RBM47: variants seen among roughly 807,000 people sequenced by gnomAD.
The protein encoded by RBM47 is RNA-binding protein 47.
In RBM47, 21 loss-of-function variants were observed where a neutral mutation model predicts 47.1. The ratio of observed to expected loss-of-function variants is 0.45; its 90% CI spans 0.32 to 0.64. RBM47 has a LOEUF of 0.64. RBM47 is among the 30% of genes least tolerant of loss of function. The pLI, the probability that RBM47 is intolerant of heterozygous loss-of-function variation, is 0.05. For synonymous variants in RBM47, 375 were observed against 361.7 expected, an observed-to-expected ratio of 1.04 and a Z score of -0.42; for missense variants, 708 against 870.9, an observed-to-expected ratio of 0.81 and a Z score of 2.35.
intron 1 of RBM47, among the ~76,000 whole-genome samples, chr4:40,587,881 G>A (rs1455581224): frequency 6.6e-6 from 1 of 152,214 alleles, no homozygotes; most frequent in Non-Finnish European, 1.5e-5. Flanking sequence ...CAGTTCCAAG[G>A]AATTATAGTG....
intron 2 of RBM47, among the ~76,000 whole-genome samples, chr4:40,530,124 C>T (rs202027231): frequency 7.3e-5 from 11 of 150,520 alleles, no homozygotes; most frequent in Non-Finnish European, 1.3e-4. Flanking sequence ...TTAGTAGAGA[C>T]GGGGTTTCAC....
Position 40,465,496 on chromosome 4 carries a change from C to T in RBM47, c.-32+1081G>A, listed in dbSNP as rs139945095. 4.8e-3 allele frequency among the ~76,000 whole-genome samples: 733 copies of T among 152,242 alleles called. 3 individuals carry two copies. The highest frequency in any genetic ancestry group is 0.017 in the Middle Eastern group (5 of 294). On this transcript the variant is annotated intron_variant, in intron 3 of 6. Transcript: ENST00000295971. ...GCAACACAGTGAAACCCTGTCTCTA[C>T]TAAAAATACAAAAAAATTAGCTGGG...
chr4:40,456,575 T>TC (rs1282142176), intron 3 of RBM47, among the ~76,000 whole-genome samples: 1 of 143,736 alleles, frequency 7.0e-6, no homozygotes, highest in African/African-American at 2.6e-5. Context: ...TTTTTTCTTT[T>TC]TTTTTTTTTT....
intron 1 of RBM47, among the ~76,000 whole-genome samples, chr4:40,581,716 C>T (rs1732964205): frequency 9.0e-6 from 1 of 111,658 alleles, no homozygotes. Context: ...AACCAGAGAG[C>T]CTTCAGGGTG....
chr4:40,596,224 G>A (rs893166243), intron 1 of RBM47, among the ~76,000 whole-genome samples: 2 of 152,208 alleles, frequency 1.3e-5, no homozygotes, highest in African/African-American at 4.8e-5. Context: ...AAGAGCAAGA[G>A]GAAAGAAGCT....
At chr4:40,608,057 A>G (rs915143675) in intron 1 of RBM47, among the ~76,000 whole-genome samples, 1 of 151,956 alleles carries the variant, frequency 6.6e-6, no homozygotes, top group African/African-American at 2.4e-5. Context: ...AGCTGAGATC[A>G]CACCACTGCA....
At chr4:40,460,216 T>TG (rs1211548397) in intron 3 of RBM47, among the ~76,000 whole-genome samples, 3 of 64,412 alleles carry the variant, frequency 4.7e-5, no homozygotes, top group African/African-American at 1.0e-4. Context: ...CCATCACTGT[T>TG]TTTTTTTTTT....
At chr4:40,573,839 A>AAGAAAGAAAGAAAG (rs1436636301) in intron 1 of RBM47, among the ~76,000 whole-genome samples, 13 of 150,290 alleles carry the variant, frequency 8.6e-5, no homozygotes, top group East Asian at 1.9e-4. Context: ...AAGAAAGAGA[A>AAGAAAGAAAGAAAG]AGAAAGAAAG....
At chr4:40,626,687 C>T (rs1455935234) in intron 1 of RBM47, among the ~76,000 whole-genome samples, 2 of 152,138 alleles carry the variant, frequency 1.3e-5, no homozygotes, top group Middle Eastern at 3.2e-3. Flanking sequence ...GGGACGAGAT[C>T]GCCCTCCCCA....
chr4:40,545,711 A>AATAAATAAAAG (rs1728983992), intron 1 of RBM47, among the ~76,000 whole-genome samples: 1 of 150,926 alleles, frequency 6.6e-6, no homozygotes, highest in African/African-American at 2.4e-5. Flanking sequence ...ATAAAAGAGA[A>AATAAATAAAAG]AGAGAGGGAG....
intron 2 of RBM47, among the ~76,000 whole-genome samples, chr4:40,520,585 T>G (rs1236998843): frequency 6.6e-6 from 1 of 152,170 alleles, no homozygotes; most frequent in Non-Finnish European, 1.5e-5. Flanking sequence ...TAGGAAATAG[T>G]AGAGGAGAAA....
chr4:40,565,890 G>C (rs865887557), intron 1 of RBM47, among the ~76,000 whole-genome samples: 10 of 151,914 alleles, frequency 6.6e-5, no homozygotes, highest in Non-Finnish European at 5.9e-5. Flanking sequence ...GTAACATAGG[G>C]AGACCCTGTC....
intron 1 of RBM47, among the ~76,000 whole-genome samples, chr4:40,605,538 T>C (rs1735682258): frequency 6.6e-6 from 1 of 151,938 alleles, no homozygotes; most frequent in Non-Finnish European, 1.5e-5. Flanking sequence ...ATTAGAAAAA[T>C]ACTGGTCTTC....
chr4:40,592,002 T>A (rs4861061), intron 1 of RBM47, among the ~76,000 whole-genome samples: 31,382 of 152,010 alleles, frequency 0.21, 3,532 homozygotes, highest in Middle Eastern at 0.28. Flanking sequence ...GAGCATCACT[T>A]CCCAAAACAA....
intron 3 of RBM47, among the ~76,000 whole-genome samples, chr4:40,451,940 C>T (rs1226819559): frequency 1.3e-5 from 2 of 152,104 alleles, no homozygotes; most frequent in African/African-American, 2.4e-5. Context: ...GAGGCCAAGG[C>T]GGGCAGATTG....
intron 2 of RBM47, among the ~76,000 whole-genome samples, chr4:40,540,046 T>A (rs1196207594): frequency 6.6e-6 from 1 of 152,146 alleles, no homozygotes; most frequent in Non-Finnish European, 1.5e-5. Context: ...GGACTCCAAA[T>A]GTTTTACTAT....
chr4:40,551,645 TTTTC>T (rs1328779499), intron 1 of RBM47, among the ~76,000 whole-genome samples: 1 of 145,422 alleles, frequency 6.9e-6, no homozygotes, highest in African/African-American at 2.6e-5. Context: ...AATAGCGTAC[TTTTC>T]TTTTTTTTTT....
chr4:40,574,587 C>T (rs573846887), intron 1 of RBM47, among the ~76,000 whole-genome samples: 69 of 152,268 alleles, frequency 4.5e-4, no homozygotes, highest in African/African-American at 1.6e-3. Context: ...TGGTGGCTCA[C>T]GCCTGTAATC....
chr4:40,616,018 T>G (rs1736683491), intron 1 of RBM47, among the ~76,000 whole-genome samples: 1 of 152,160 alleles, frequency 6.6e-6, no homozygotes, highest in Non-Finnish European at 1.5e-5. Context: ...TCATAGCTTC[T>G]TCTACCTCCA....
Sources: gnomAD v4.1 joint callset for allele counts (sites outside exome capture counted in the v4.1 genomes callset) on GRCh38, gnomAD v4.1.1 for gene constraint, MANE v1.5 for transcripts, NCBI Gene and HGNC (gene_info 2026-07-23, HGNC 2026-07-21) for gene names.